Variants in ATP9B observed in about 807,000 individuals in gnomAD.
ATP9B encodes ATPase phospholipid transporting 9B, also known as probable phospholipid-transporting ATPase IIB.
A neutral mutation model predicts 146.1 loss-of-function variants in ATP9B; 110 were observed. The observed-to-expected ratio is 0.75, with a 90% confidence interval of 0.65 to 0.88. The LOEUF (loss-of-function observed/expected upper bound fraction) is 0.88. Among genes scored for constraint, ATP9B ranks in the 40% least tolerant of loss-of-function variants. ATP9B has a pLI of 0.00. For missense variants in ATP9B, 1,499 were observed against 1,496.4 expected, an observed-to-expected ratio of 1.00 and a Z score of -0.03; for synonymous variants, 604 against 569.7, an observed-to-expected ratio of 1.06 and a Z score of -0.86.
chr18:79,200,113 C>T (rs533317757), intron 9 of ATP9B, among the ~76,000 whole-genome samples: 7 of 152,096 alleles, frequency 4.6e-5, no homozygotes, highest in Admixed American at 2.6e-4. Flanking sequence ...TCATGACTGG[C>T]GGCCCAGTAG....
At chr18:79,173,602 G>A (rs1395808653) in intron 7 of ATP9B, 2 of 435,078 alleles carry the variant, frequency 4.6e-6, no homozygotes, top group East Asian at 1.4e-4. Flanking sequence ...AATTGCTTTT[G>A]TAAATGCATC....
intron 15 of ATP9B, among the ~76,000 whole-genome samples, chr18:79,326,862 CT>C (rs1009562387): frequency 2.7e-5 from 4 of 150,298 alleles, no homozygotes; most frequent in Non-Finnish European, 6.0e-5. Context: ...GGTGGCCTCC[CT>C]GTGCTGACTG....
intron 9 of ATP9B, among the ~76,000 whole-genome samples, chr18:79,198,948 C>T (rs534916239): frequency 1.4e-4 from 22 of 152,080 alleles, no homozygotes; most frequent in Non-Finnish European, 2.1e-4. Flanking sequence ...ATCTCAGCTT[C>T]CTATAACTTT....
rs116580387 is a variant in ATP9B, at chr18:79,124,016, T to A, written c.559-2251T>A. Among the ~76,000 whole-genome samples, 888 of 152,222 alleles carry A rather than the reference T, an allele frequency of 5.8e-3. 4 individuals are homozygous for A. The highest frequency in any genetic ancestry group is 0.021 in the African/African-American group (858 of 41,532). On this transcript the variant is annotated intron_variant, in intron 4 of 29. Transcript: ENST00000426216. Reference sequence around the variant, plus strand: ...TACAAAGGGCAGACAGTAACAAGTGTTGGTGAGGATGTGGAGACATTGGAA... The same window carrying A: ...TACAAAGGGCAGACAGTAACAAGTGATGGTGAGGATGTGGAGACATTGGAA...
chr18:79,251,267 A>T (rs913531894), intron 11 of ATP9B, among the ~76,000 whole-genome samples: 1 of 152,214 alleles, frequency 6.6e-6, no homozygotes, highest in African/African-American at 2.4e-5. Context: ...CATGGAACCC[A>T]CACTCGGCAC....
At position 79,217,072 on chromosome 18, in the gene ATP9B, C is replaced by T. The variant is rs73971530; in HGVS notation, c.1107+3034C>T. Among the ~76,000 whole-genome samples the T allele has an allele frequency of 4.5e-3, 680 of 152,314 alleles. 9 individuals are homozygous for T. The highest frequency in any genetic ancestry group is 0.015 in the African/African-American group (638 of 41,560). Reference sequence around the variant, plus strand: ...AAGAGTGCGTTCCCGACTGTAGAGCCGGGGAGATCACAAGGCATGGAGCCG... The same window carrying T: ...AAGAGTGCGTTCCCGACTGTAGAGCTGGGGAGATCACAAGGCATGGAGCCG... On this transcript the variant is annotated intron_variant, in intron 11 of 29. Transcript: ENST00000426216.
intron 6 of ATP9B, among the ~76,000 whole-genome samples, chr18:79,151,917 G>A (rs1407579262): frequency 1.3e-5 from 2 of 152,068 alleles, no homozygotes; most frequent in African/African-American, 4.8e-5. Flanking sequence ...GAAAATTTTT[G>A]CAATCTGTCC....
At chr18:79,078,415 C>T (rs1178242783) in intron 1 of ATP9B, among the ~76,000 whole-genome samples, 1 of 152,108 alleles carries the variant, frequency 6.6e-6, no homozygotes, top group South Asian at 2.1e-4. Flanking sequence ...TACTGGTCTG[C>T]CCTCTTCTCT....
chr18:79,226,082 A>C (rs991424985), intron 11 of ATP9B, among the ~76,000 whole-genome samples: 3 of 152,222 alleles, frequency 2.0e-5, no homozygotes, highest in African/African-American at 4.8e-5. Context: ...TCCATAGTGC[A>C]GAGTTCAAGC....
At chr18:79,151,254 A>G (rs935767431) in intron 6 of ATP9B, among the ~76,000 whole-genome samples, 1 of 152,244 alleles carries the variant, frequency 6.6e-6, no homozygotes, top group African/African-American at 2.4e-5. Context: ...GAATCCAGAA[A>G]TAAACTCAGA....
intron 10 of ATP9B, among the ~76,000 whole-genome samples, chr18:79,211,785 A>C (rs1247778099): frequency 6.6e-6 from 1 of 152,160 alleles, no homozygotes; most frequent in East Asian, 1.9e-4. Context: ...TTGTGGTTTT[A>C]ATCTACCAAC....
intron 25 of ATP9B, among the ~76,000 whole-genome samples, chr18:79,351,889 G>C (rs2096924117): frequency 6.6e-6 from 1 of 152,058 alleles, no homozygotes; most frequent in Non-Finnish European, 1.5e-5. Flanking sequence ...AGGTTCCTGT[G>C]ACCCCCAAGC....
At chr18:79,101,485 A>G (rs181937617) in intron 2 of ATP9B, among the ~76,000 whole-genome samples, 52 of 152,264 alleles carry the variant, frequency 3.4e-4, no homozygotes, top group African/African-American at 1.0e-3. Context: ...GCCATGAACA[A>G]TTGTGTACAT....
chr18:79,232,181 G>A (rs1378645707), intron 11 of ATP9B, among the ~76,000 whole-genome samples: 1 of 152,146 alleles, frequency 6.6e-6, no homozygotes, highest in Admixed American at 6.5e-5. Flanking sequence ...TAGTCTTCCT[G>A]TCTCACTAAT....
At chr18:79,248,395 C>G (rs535236353) in intron 11 of ATP9B, among the ~76,000 whole-genome samples, 2 of 152,268 alleles carry the variant, frequency 1.3e-5, no homozygotes, top group South Asian at 4.1e-4. Flanking sequence ...TCTTAAGATT[C>G]TACTAGCAGT....
chr18:79,187,379 A>T (rs918788945), intron 8 of ATP9B, among the ~76,000 whole-genome samples: 2 of 152,114 alleles, frequency 1.3e-5, no homozygotes, highest in African/African-American at 4.8e-5. Flanking sequence ...CCCACAGGGG[A>T]GGTTCGGAAG....
chr18:79,347,633 C>A, intron 23 of ATP9B, 137 bp from the exon 24 acceptor site: 1 of 1,062,208 alleles, frequency 9.4e-7, no homozygotes, highest in Non-Finnish European at 1.3e-6. Flanking sequence ...TCCCCATCGA[C>A]GGAGCTGAAG....
intron 7 of ATP9B, among the ~76,000 whole-genome samples, chr18:79,171,204 ATAT>A (rs777895743): frequency 6.6e-6 from 1 of 152,188 alleles, no homozygotes; most frequent in Non-Finnish European, 1.5e-5. Flanking sequence ...AAAAATCTAG[ATAT>A]TATTTAAATC....
intron 11 of ATP9B, among the ~76,000 whole-genome samples, chr18:79,218,588 G>T (rs1408150628): frequency 1.3e-5 from 2 of 151,784 alleles, no homozygotes; most frequent in South Asian, 2.1e-4. Context: ...TGTTTTCCTC[G>T]TGTTCCGGGT....
Sources: allele counts gnomAD v4.1 joint callset (sites outside exome capture counted in the v4.1 genomes callset), GRCh38; gene constraint gnomAD v4.1.1; transcripts MANE v1.5; gene names NCBI Gene and HGNC (gene_info 2026-07-23, HGNC 2026-07-21).